Variants in RNF214 observed in about 807,000 individuals in gnomAD.
The protein encoded by RNF214 is ring finger protein 214.
A neutral mutation model predicts 75.9 loss-of-function variants in RNF214; 25 were observed. That is an observed-to-expected ratio of 0.33 (90% CI 0.24 to 0.46). The LOEUF is 0.46. Among genes scored for constraint, RNF214 ranks in the 20% least tolerant of loss-of-function variants. The pLI is 1.00. For missense variants in RNF214, 725 were observed against 857.5 expected (o/e 0.85, Z 1.93); for synonymous variants, 314 against 308.8 (o/e 1.02, Z -0.18).
chr11:117,259,299 G>A (rs2033602548), intron 6 of RNF214, among the ~76,000 whole-genome samples: 1 of 152,140 alleles, frequency 6.6e-6, no homozygotes, highest in Non-Finnish European at 1.5e-5. Flanking sequence ...ATTGGAGTTT[G>A]TTTATTCATT....
intron 6 of RNF214, among the ~76,000 whole-genome samples, chr11:117,249,877 A>G (rs1405680880): frequency 6.6e-6 from 1 of 152,198 alleles, no homozygotes; most frequent in Non-Finnish European, 1.5e-5. Context: ...CCTGTATCCA[A>G]ATACAATTAC....
intron 2 of RNF214, among the ~76,000 whole-genome samples, chr11:117,236,882 C>T (rs186994421): frequency 3.3e-5 from 5 of 152,158 alleles, no homozygotes; most frequent in Non-Finnish European, 5.9e-5. Flanking sequence ...TGTGCATTAT[C>T]TCATGTAATC....
At chr11:117,280,673 AAAAT>A (rs2034109100) in intron 8 of RNF214, among the ~76,000 whole-genome samples, 1 of 152,186 alleles carries the variant, frequency 6.6e-6, no homozygotes, top group African/African-American at 2.4e-5. Context: ...CTGTCTCTAA[AAAAT>A]AAAAAATAAC....
chr11:117,251,760 G>C (rs1330587795), intron 6 of RNF214, among the ~76,000 whole-genome samples: 1 of 152,132 alleles, frequency 6.6e-6, no homozygotes, highest in Non-Finnish European at 1.5e-5. Flanking sequence ...GATCAGAAAG[G>C]CTTTTATACT....
intron 6 of RNF214, among the ~76,000 whole-genome samples, chr11:117,259,250 C>T (rs2033601356): frequency 6.6e-6 from 1 of 152,164 alleles, no homozygotes; most frequent in Non-Finnish European, 1.5e-5. Context: ...AGCTACCGTG[C>T]CCGGCTTTAT....
At chr11:117,251,218 G>T in intron 6 of RNF214, among the ~76,000 whole-genome samples, 1 of 101,208 alleles carries the variant, frequency 9.9e-6, no homozygotes, top group Admixed American at 1.0e-4. Context: ...GCACCTCCCG[G>T]ACGGGGCGGC....
chr11:117,265,783 A>C (rs1015490541), intron 6 of RNF214, among the ~76,000 whole-genome samples: 7 of 152,182 alleles, frequency 4.6e-5, no homozygotes, highest in African/African-American at 1.7e-4. Flanking sequence ...TACTTATTTT[A>C]AGTGTACATT....
At chr11:117,258,403 G>A (rs780512386) in intron 6 of RNF214, among the ~76,000 whole-genome samples, 1 of 151,876 alleles carries the variant, frequency 6.6e-6, no homozygotes, top group Non-Finnish European at 1.5e-5. Context: ...GACACCACAC[G>A]AGGTCTTATT....
chr11:117,283,135 A>C lies in RNF214; in HGVS notation c.1971A>C (p.Leu657=). The change falls in exon 14 of 15, where the codon CTA becomes CTC. Residue 657 remains leucine, a synonymous_variant. Transcript: ENST00000300650. ...RSSHAPATCK[L]CLMCQKLVQP... is the part of the protein sequence containing the mutation. The stretch of plus-strand genomic sequence containing the variant: ...TACAGGCTCCAGCCACCTGTAAGCT[A>C]TGTCTAATGTGCCAGAAACTCGTCC... 1.9e-6 allele frequency: 3 copies of C among 1,613,994 alleles called. No homozygotes were observed. Among genetic ancestry groups the C allele is most frequent in the Non-Finnish European group, 2.5e-6 (3 of 1,179,892 alleles).
intron 6 of RNF214, among the ~76,000 whole-genome samples, chr11:117,247,986 AATT>A (rs2134370562): frequency 6.6e-6 from 1 of 152,288 alleles, no homozygotes; most frequent in Non-Finnish European, 1.5e-5. Context: ...TTTGTGAAAG[AATT>A]ATTTAGAGGA....
At chr11:117,252,704 T>G (rs2134379087) in intron 6 of RNF214, among the ~76,000 whole-genome samples, 1 of 151,974 alleles carries the variant, frequency 6.6e-6, no homozygotes, top group East Asian at 2.0e-4. Flanking sequence ...GTATTTTTAG[T>G]AGAGACGGGG....
intron 6 of RNF214, among the ~76,000 whole-genome samples, chr11:117,256,320 T>G (rs1200340464): frequency 2.0e-5 from 3 of 152,228 alleles, no homozygotes; most frequent in Non-Finnish European, 4.4e-5. Flanking sequence ...AAAATACCAC[T>G]GTAAAAGTTA....
At chr11:117,242,008 G>T (rs1285562219) in intron 4 of RNF214, among the ~76,000 whole-genome samples, 4 of 152,058 alleles carry the variant, frequency 2.6e-5, no homozygotes, top group Non-Finnish European at 5.9e-5. Context: ...TAAGCTTTTA[G>T]TCAAATTCCA....
At chr11:117,265,261 A>G (rs962918734) in intron 6 of RNF214, among the ~76,000 whole-genome samples, 1 of 152,064 alleles carries the variant, frequency 6.6e-6, no homozygotes, top group Non-Finnish European at 1.5e-5. Flanking sequence ...TTCCTTCCCC[A>G]TCTGCTTCTC....
At chr11:117,269,298 A>G (rs2033859546) in intron 6 of RNF214, among the ~76,000 whole-genome samples, 1 of 152,228 alleles carries the variant, frequency 6.6e-6, no homozygotes, top group Admixed American at 6.5e-5. Flanking sequence ...GCCTGGGACA[A>G]GGTTCTTTTG....
At chr11:117,251,401 C>G (rs868706096) in intron 6 of RNF214, among the ~76,000 whole-genome samples, 2,096 of 122,646 alleles carry the variant, frequency 0.017, 3 homozygotes, top group Middle Eastern at 0.051. Context: ...ACCTCCCTCC[C>G]GGACGGGGCG....
At chr11:117,258,317 C>T (rs557580200) in intron 6 of RNF214, among the ~76,000 whole-genome samples, 2 of 152,108 alleles carry the variant, frequency 1.3e-5, no homozygotes, top group African/African-American at 2.4e-5. Flanking sequence ...TCCACCCACT[C>T]GGCCTCCCAA....
chr11:117,239,053 A>G lies in RNF214; in HGVS notation c.560A>G (p.Asp187Gly), dbSNP rs373179752. The G allele has an allele frequency of 5.0e-6, 8 of 1,614,064 alleles. No individual in the cohort carries two copies. The highest frequency in any genetic ancestry group is 5.9e-6 in the Non-Finnish European group (7 of 1,180,016). The change falls in exon 3 of 15, where the codon GAT (aspartate) becomes GGT (glycine). Residue 187 changes from aspartate (D) to glycine (G), a missense_variant. By Grantham distance (94) the Asp-to-Gly change is moderately conservative. Coordinates refer to ENST00000300650, the MANE Select transcript of RNF214 (RefSeq NM_207343.4). Reference protein sequence around the residue: ...PANGVEGVRVDQDDDQDSSSL... With the variant: ...PANGVEGVRVGQDDDQDSSSL... ...AATGGGGTTGAAGGAGTCCGAGTGG[A>G]TCAGGATGATGATCAAGATAGCTCT...
chr11:117,277,576 TGA>T (rs2034038712), intron 6 of RNF214, among the ~76,000 whole-genome samples: 1 of 152,192 alleles, frequency 6.6e-6, no homozygotes, highest in African/African-American at 2.4e-5. Flanking sequence ...CAAGAATATG[TGA>T]GAGGAAAGGG....
Sources: allele counts gnomAD v4.1 joint callset (sites outside exome capture counted in the v4.1 genomes callset), GRCh38; gene constraint gnomAD v4.1.1; transcripts MANE v1.5; gene names NCBI Gene and HGNC (gene_info 2026-07-23, HGNC 2026-07-21).